Variants in GPC6 observed in about 807,000 individuals in gnomAD.
GPC6 encodes glypican 6, also known as glypican-6.
A neutral mutation model predicts 55.2 loss-of-function variants in GPC6; 14 were observed. That is an observed-to-expected ratio of 0.25 (90% CI 0.17 to 0.40). The LOEUF (loss-of-function observed/expected upper bound fraction) is 0.40, where lower values mean the gene tolerates loss of function less well. Ranked by LOEUF, GPC6 falls within the 10% of genes least tolerant of loss-of-function variation. The pLI is 1.00. For missense variants in GPC6, 641 were observed against 708.5 expected (o/e 0.90, Z 1.08); for synonymous variants, 278 against 259.6 (o/e 1.07, Z -0.68).
chr13:94,305,662 T>G (rs1594151159), intron 5 of GPC6, among the ~76,000 whole-genome samples: 1 of 151,988 alleles, frequency 6.6e-6, no homozygotes, highest in African/African-American at 2.4e-5. Flanking sequence ...TCCATGAGAG[T>G]GCTGTGAGTA....
intron 6 of GPC6, among the ~76,000 whole-genome samples, chr13:94,307,612 G>A (rs1318948901): frequency 2.0e-5 from 3 of 152,220 alleles, no homozygotes; most frequent in East Asian, 1.9e-4. Context: ...CGTGCTCAGC[G>A]GCTTACATCT....
chr13:93,353,457 C>T (rs1052221693), intron 1 of GPC6, among the ~76,000 whole-genome samples: 2 of 152,186 alleles, frequency 1.3e-5, no homozygotes, highest in Non-Finnish European at 2.9e-5. Flanking sequence ...CGATGAGCAT[C>T]AAAGAACTCA....
intron 2 of GPC6, among the ~76,000 whole-genome samples, chr13:93,597,363 T>C (rs558031873): frequency 6.6e-6 from 1 of 152,306 alleles, no homozygotes; most frequent in African/African-American, 2.4e-5. Flanking sequence ...TTCCCTATGG[T>C]GGTGTGAAGT....
intron 6 of GPC6, among the ~76,000 whole-genome samples, chr13:94,332,128 T>C (rs1391734571): frequency 6.6e-6 from 1 of 152,234 alleles, no homozygotes; most frequent in African/African-American, 2.4e-5. Context: ...GACATTCCTT[T>C]GACTATTACC....
chr13:93,758,282 G>A (rs1339947570), intron 2 of GPC6, among the ~76,000 whole-genome samples: 3 of 152,158 alleles, frequency 2.0e-5, no homozygotes, highest in Non-Finnish European at 4.4e-5. Flanking sequence ...CACAGTAGAG[G>A]GAGAGGAAGT....
intron 1 of GPC6, among the ~76,000 whole-genome samples, chr13:93,403,423 A>G (rs973211559): frequency 6.6e-6 from 1 of 152,172 alleles, no homozygotes; most frequent in Admixed American, 6.6e-5. Context: ...TCCTTACTCC[A>G]TAATCCGTTA....
chr13:94,149,580 G>T (rs1887668210), intron 4 of GPC6, among the ~76,000 whole-genome samples: 1 of 152,024 alleles, frequency 6.6e-6, no homozygotes, highest in Non-Finnish European at 1.5e-5. Context: ...CCACAATGAG[G>T]GTCAGAATGT....
At chr13:94,177,536 C>G (rs929711098) in intron 4 of GPC6, among the ~76,000 whole-genome samples, 1 of 151,668 alleles carries the variant, frequency 6.6e-6, no homozygotes, top group Non-Finnish European at 1.5e-5. Context: ...TAATGTTAAA[C>G]TTACTAAAAA....
At chr13:93,726,958 T>C (rs1883666735) in intron 2 of GPC6, among the ~76,000 whole-genome samples, 1 of 152,158 alleles carries the variant, frequency 6.6e-6, no homozygotes, top group South Asian at 2.1e-4. Context: ...AAGTCTTGTT[T>C]GCAAAATCAG....
intron 5 of GPC6, among the ~76,000 whole-genome samples, chr13:94,295,576 G>A (rs1875288139): frequency 6.6e-6 from 1 of 152,160 alleles, no homozygotes; most frequent in African/African-American, 2.4e-5. Flanking sequence ...GCTTTTAGGA[G>A]AAAGCAGGCT....
At chr13:93,783,356 A>G (rs889305951) in intron 2 of GPC6, among the ~76,000 whole-genome samples, 1 of 149,432 alleles carries the variant, frequency 6.7e-6, no homozygotes, top group African/African-American at 2.5e-5. Context: ...TTGCTGGGTC[A>G]GATGGTATTT....
At position 93,830,289 on chromosome 13, in the gene GPC6, G is replaced by T. The variant is rs1443646718; in HGVS notation, c.455G>T (p.Gly152Val). 3.1e-6 allele frequency: 5 copies of T among 1,613,832 alleles called. No individual in the cohort carries two copies. Among genetic ancestry groups the T allele is most frequent in the East Asian group, 2.2e-5 (1 of 44,852 alleles). The change falls in exon 3 of 9, where the codon GGG (glycine) becomes GTG (valine). Residue 152 changes from glycine to valine, a missense_variant. By Grantham distance (109) the Gly-to-Val change is moderately radical. Coordinates refer to ENST00000377047, the MANE Select transcript of GPC6 (RefSeq NM_005708.5). ...ACAGAGCTGAAAAGGTACTACACTG[G>T]GGGTAATGTGAATCTGGAGGAAATG... ...LFTELKRYYT[G>V]GNVNLEEMLN...
chr13:93,723,340 T>C lies in GPC6; in HGVS notation c.320-106814T>C, dbSNP rs1883516013. Among the ~76,000 whole-genome samples the C allele has an allele frequency of 2.0e-5, 3 of 151,936 alleles. No homozygotes were observed. In the Admixed American group the frequency reaches 2.0e-4, roughly 10 times the overall value. On this transcript the variant is annotated intron_variant, in intron 2 of 8. Transcript: ENST00000377047. ...TATGGGAGGCAGTTTCTGATGTGTC[T>C]TTTCGTGATCTCTGTACCCTGGTGT... is the stretch of plus-strand genomic sequence containing the variant.
intron 2 of GPC6, among the ~76,000 whole-genome samples, chr13:93,712,593 A>G (rs796152161): frequency 3.3e-5 from 5 of 151,790 alleles, no homozygotes; most frequent in African/African-American, 1.2e-4. Flanking sequence ...CCTTATATGT[A>G]TGATCAAATT....
chr13:93,576,466 G>A (rs1876668713), intron 2 of GPC6, among the ~76,000 whole-genome samples: 1 of 152,004 alleles, frequency 6.6e-6, no homozygotes, highest in Non-Finnish European at 1.5e-5. Context: ...AATTCTTTTT[G>A]CCCTTAGTTT....
intron 6 of GPC6, among the ~76,000 whole-genome samples, chr13:94,324,324 A>T (rs1876996660): frequency 6.6e-6 from 1 of 151,924 alleles, no homozygotes; most frequent in Non-Finnish European, 1.5e-5. Context: ...AAAAAAAAAA[A>T]AAAAAACTCA....
intron 4 of GPC6, among the ~76,000 whole-genome samples, chr13:94,087,271 T>C (rs1885319794): frequency 6.6e-6 from 1 of 152,220 alleles, no homozygotes; most frequent in Non-Finnish European, 1.5e-5. Context: ...TGCAAGCCAT[T>C]ATAAGCATCA....
chr13:93,355,233 C>T (rs534514419), intron 1 of GPC6, among the ~76,000 whole-genome samples: 4 of 152,222 alleles, frequency 2.6e-5, no homozygotes, highest in East Asian at 3.9e-4. Context: ...AAAGCATTTT[C>T]GGGGGATAAA....
rs1457509820 is a variant in GPC6 at position 94,272,525 on chromosome 13, G to A, written c.878-13824G>A. On this transcript the variant is annotated intron_variant, in intron 4 of 8. Transcript: ENST00000377047. ...ACTCTGTTGCCCAGGCTGGAGTGCA[G>A]TGGTGCCATCTCAGCTCACTGCAAG... Among the ~76,000 whole-genome samples, 3 of 137,410 alleles carry A rather than the reference G, an allele frequency of 2.2e-5. 1 individual carries two copies. The highest frequency in any genetic ancestry group is 3.0e-5 in the Non-Finnish European group (2 of 66,024). 90.1% of individuals were successfully genotyped at this position (137,410 alleles called of 152,430 possible).
Sources: gnomAD v4.1 joint callset for allele counts (sites outside exome capture counted in the v4.1 genomes callset) on GRCh38, gnomAD v4.1.1 for gene constraint, MANE v1.5 for transcripts, NCBI Gene and HGNC (gene_info 2026-07-23, HGNC 2026-07-21) for gene names.